The following EFHC1 variants were observed in gnomAD, a reference collection of about 807,000 sequenced individuals.
The protein encoded by EFHC1 is EF-hand domain containing 1.
In EFHC1, 53 loss-of-function variants were observed where a neutral mutation model predicts 69.9. That is an observed-to-expected ratio of 0.76 (90% CI 0.61 to 0.95). EFHC1 has a LOEUF of 0.95. Among genes scored for constraint, EFHC1 ranks in the 40% least tolerant of loss-of-function variants. The pLI is 0.00. For missense variants in EFHC1, 739 were observed against 798.7 expected (o/e 0.93, Z 0.90); for synonymous variants, 256 against 278.4 (o/e 0.92, Z 0.80).
intron 9 of EFHC1, among the ~76,000 whole-genome samples, chr6:52,481,121 G>T (rs1335924111): frequency 1.3e-5 from 2 of 152,194 alleles, no homozygotes; most frequent in Non-Finnish European, 2.9e-5. Context: ...TGGTATCAGT[G>T]GAGGTGGGGA....
chr6:52,480,991 G>A (rs916991067), intron 9 of EFHC1, among the ~76,000 whole-genome samples: 1 of 152,170 alleles, frequency 6.6e-6, no homozygotes, highest in South Asian at 2.1e-4. Flanking sequence ...AGCAAGATTT[G>A]ACATATATTT....
intron 5 of EFHC1, among the ~76,000 whole-genome samples, chr6:52,462,176 G>T (rs1232337582): frequency 6.6e-6 from 1 of 151,576 alleles, no homozygotes; most frequent in African/African-American, 2.4e-5. Context: ...AAAAAACCGT[G>T]TATTTGGAAA....
rs747324443 is a variant in EFHC1 at position 52,469,491 on chromosome 6, A to G, written c.1278+18A>G. The G allele has an allele frequency of 2.5e-6, 4 of 1,613,018 alleles. No homozygotes were observed. The highest frequency in any genetic ancestry group is 1.1e-5 in the South Asian group (1 of 91,058). ...CTGTACTGGTGAGGCTAATTTTTAT[A>G]TACTAAAGATTCTCTTCTATCTCAG... On this transcript the variant is annotated intron_variant, in intron 7 of 10. Transcript: ENST00000371068.
intron 1 of EFHC1, 66 bp from the exon 2 acceptor site, chr6:52,423,876 AAGTT>A: frequency 1.2e-6 from 2 of 1,604,312 alleles, no homozygotes; most frequent in Non-Finnish European, 1.7e-6. Context: ...ATATTTTTAA[AAGTT>A]AGTTTTTTTT....
chr6:52,471,448 C>T (rs1344868855), intron 7 of EFHC1, among the ~76,000 whole-genome samples: 2 of 152,072 alleles, frequency 1.3e-5, no homozygotes, highest in African/African-American at 4.8e-5. Flanking sequence ...CAATGTGTGG[C>T]ACTCACAAAA....
In EFHC1 at chr6:52,478,933, A is replaced by G. The variant is rs576500032; in HGVS notation, c.1279-104A>G. On this transcript the variant is annotated intron_variant, in intron 7 of 10. Coordinates refer to ENST00000371068, the MANE Select transcript of EFHC1 (RefSeq NM_018100.4). ...GTTTGTTTATATTGTAAAAACCCAGACTGCTTCATTTATATCCTATACCTG... is the reference window on the plus strand; with the variant it reads ...GTTTGTTTATATTGTAAAAACCCAGGCTGCTTCATTTATATCCTATACCTG... The G allele has an allele frequency of 1.7e-5, 18 of 1,081,646 alleles. No individual in the cohort carries two copies. In the East Asian group the frequency reaches 3.8e-4, roughly 23 times the overall value. 67.0% of individuals were successfully genotyped at this position (1,081,646 alleles called of 1,614,324 possible). A position where few individuals can be genotyped will look rare whatever the true frequency, so the allele number is the denominator to read the frequency against.
chr6:52,475,193 G>A (rs924980980), intron 7 of EFHC1, among the ~76,000 whole-genome samples: 1 of 152,100 alleles, frequency 6.6e-6, no homozygotes, highest in Non-Finnish European at 1.5e-5. Flanking sequence ...AATAGAGAAT[G>A]TATTCATTAG....
chr6:52,454,067 T>C (rs767375371), intron 4 of EFHC1, 28 bp from the exon 5 acceptor site: 6 of 1,612,046 alleles, frequency 3.7e-6, no homozygotes, highest in East Asian at 2.2e-5. Context: ...TTTAGGATTC[T>C]TGAGTCACTA....
intron 4 of EFHC1, chr6:52,453,666 A>G: frequency 2.1e-5 from 26 of 1,257,888 alleles, no homozygotes; most frequent in Non-Finnish European, 2.5e-5. Flanking sequence ...TTGCTAGAAG[A>G]TATGTGTTGA....
Position 52,453,395 on chromosome 6 carries a change from G to A in EFHC1, c.723+558G>A, listed in dbSNP as rs1214832289. On this transcript the variant is annotated intron_variant, in intron 4 of 10. Transcript: ENST00000371068. ...CCTTGTGAGCTGATGTGTATAAGCA[G>A]ATTTAAATCCTTCCCTTTCTGTACT... 3 of 1,287,034 alleles carry A rather than the reference G, an allele frequency of 2.3e-6. No individual in the cohort carries two copies. In the African/African-American group the frequency reaches 4.6e-5, roughly 20 times the overall value. The allele number at this position is 1,287,034 out of a possible 1,614,324, so 79.7% of individuals were successfully genotyped here.
chr6:52,480,398 G>A (rs1765649222), intron 9 of EFHC1, among the ~76,000 whole-genome samples: 1 of 152,140 alleles, frequency 6.6e-6, no homozygotes, highest in Non-Finnish European at 1.5e-5. Flanking sequence ...TCAAGAGTCA[G>A]CTATAATTAT....
At chr6:52,457,198 A>G (rs891747791) in intron 5 of EFHC1, among the ~76,000 whole-genome samples, 1 of 152,244 alleles carries the variant, frequency 6.6e-6, no homozygotes, top group Admixed American at 6.5e-5. Flanking sequence ...AAGACAAGGC[A>G]TATAAAATAC....
chr6:52,493,365 C>CATATATAGATATATATAT lies in EFHC1; in HGVS notation c.*1031_*1032insGATATATATATATATATA, dbSNP rs1765956064. The CATATATAGATATATATAT allele has an allele frequency of 6.1e-6, 1 of 163,078 alleles. No homozygotes were observed. 10.1% of individuals were successfully genotyped at this position (163,078 alleles called of 1,614,324 possible). On this transcript the variant is annotated 3_prime_UTR_variant, in exon 11 of 11. Coordinates refer to ENST00000371068, the MANE Select transcript of EFHC1 (RefSeq NM_018100.4). ...ATAACTCTCTCTTTCTCTCTCTCTACATATATATATATATATATATTTTAT... is the reference window on the plus strand; with the variant it reads ...ATAACTCTCTCTTTCTCTCTCTCTACATATATAGATATATATATATATATATATATATATATATTTTAT...
chr6:52,456,293 A>C (rs1319508831), intron 5 of EFHC1, among the ~76,000 whole-genome samples: 1 of 152,238 alleles, frequency 6.6e-6, no homozygotes, highest in Non-Finnish European at 1.5e-5. Flanking sequence ...ACCGTCTTAG[A>C]GTTCAATGAC....
rs536389265 is a variant in EFHC1, at chr6:52,446,289, G to T, written c.574-6399G>T. Among the ~76,000 whole-genome samples, 193 of 152,276 alleles carry T rather than the reference G, an allele frequency of 1.3e-3. 1 individual carries two copies. Among genetic ancestry groups the T allele is most frequent in the African/African-American group, 4.4e-3 (181 of 41,558 alleles). On this transcript the variant is annotated intron_variant, in intron 3 of 10. Transcript: ENST00000371068. ...TTTAGGATAGTTAGTTCTTCTTGTT[G>T]AATTGATCCCTTTACCATTATGTAA...
chr6:52,494,863 C>T lies in EFHC1; in HGVS notation c.*2522C>T. The T allele has an allele frequency of 2.2e-6, 1 of 451,816 alleles. No homozygotes were observed. The highest frequency in any genetic ancestry group is 4.4e-6 in the Non-Finnish European group (1 of 225,048). The allele number at this position is 451,816 out of a possible 1,614,324, so 28.0% of individuals were successfully genotyped here. On this transcript the variant is annotated 3_prime_UTR_variant, in exon 11 of 11. Transcript: ENST00000371068. ...GCCTCCAGCTGCATCCATGTTGCTG[C>T]AGAATACATGATTTCATTTTTTATG... is the stretch of plus-strand genomic sequence containing the variant.
At chr6:52,449,398 T>A (rs372025577) in intron 3 of EFHC1, among the ~76,000 whole-genome samples, 1,508 of 146,306 alleles carry the variant, frequency 0.01, 23 homozygotes, top group African/African-American at 0.037. Context: ...AAAAAAAAAA[T>A]AGTACCAGCT....
At position 52,490,305 on chromosome 6, in the gene EFHC1, C is replaced by A. The variant is rs746061688; in HGVS notation, c.1806C>A (p.Ile602=). ...GYVDRDMFFK[I]CESLNVPVDD... is the part of the protein sequence containing the mutation. ...TGGACAGAGACATGTTCTTTAAAAT[C>A]TGTGAATCGCTTAACGTCCCAGTGG... The change falls in exon 10 of 11, where the codon ATC becomes ATA. Residue 602 remains isoleucine (I), a synonymous_variant. Transcript: ENST00000371068. 1.9e-6 allele frequency: 3 copies of A among 1,614,148 alleles called. No homozygotes were observed. Among genetic ancestry groups the A allele is most frequent in the South Asian group, 2.2e-5 (2 of 91,080 alleles).
In EFHC1 at chr6:52,454,097, C is replaced by G. The variant is rs1278876839; in HGVS notation, c.726C>G (p.Val242=). The stretch of plus-strand genomic sequence containing the variant: ...TCACTACTTTGGATTCTTCAAAGGT[C>G]CTTCGATTCTATGCAATCTGGGATG... The part of the protein sequence containing the change: ...LKQFLTFDKQ[V]LRFYAIWDDT... Residue 242 remains valine, a splice_region_variant and synonymous_variant, in exon 5 of 11, where the codon GTC becomes GTG. Coordinates refer to ENST00000371068, the MANE Select transcript of EFHC1 (RefSeq NM_018100.4). 1 of 1,613,088 alleles carries G rather than the reference C, an allele frequency of 6.2e-7. No individual in the cohort carries two copies. The highest frequency in any genetic ancestry group is 1.1e-5 in the South Asian group (1 of 90,968).
Sources: allele counts gnomAD v4.1 joint callset (sites outside exome capture counted in the v4.1 genomes callset), GRCh38; gene constraint gnomAD v4.1.1; transcripts MANE v1.5; gene names NCBI Gene and HGNC (gene_info 2026-07-23, HGNC 2026-07-21).